Variants in MAP4K3 observed in about 807,000 individuals in gnomAD.
MAP4K3 encodes the protein mitogen-activated protein kinase kinase kinase kinase 3, also known as MAPK/ERK kinase kinase kinase 3.
MAP4K3 carries 94 observed loss-of-function variants against 143.5 expected under a neutral mutation model. The ratio of observed to expected loss-of-function variants is 0.65; its 90% CI spans 0.55 to 0.78. The LOEUF is 0.78. Among genes scored for constraint, MAP4K3 ranks in the 30% least tolerant of loss-of-function variants. MAP4K3 has a pLI of 0.00. For missense variants in MAP4K3, 1,077 were observed against 1,068.1 expected (o/e 1.01, Z -0.12); for synonymous variants, 416 against 347.2 (o/e 1.20, Z -2.20).
At chr2:39,308,113 T>C (rs563165774) in intron 14 of MAP4K3, 108 bp from the exon 15 acceptor site, 8 of 671,606 alleles carry the variant, frequency 1.2e-5, no homozygotes, top group East Asian at 2.9e-5. Flanking sequence ...AATATAATTT[T>C]ATTAAGGCAA....
At chr2:39,302,568 A>G (rs536634630) in intron 15 of MAP4K3, among the ~76,000 whole-genome samples, 10 of 152,364 alleles carry the variant, frequency 6.6e-5, no homozygotes, top group Non-Finnish European at 1.3e-4. Flanking sequence ...CTTTTCAAAA[A>G]GGATTTGGAA....
At chr2:39,354,018 C>A (rs186148987) in intron 3 of MAP4K3, among the ~76,000 whole-genome samples, 4 of 152,202 alleles carry the variant, frequency 2.6e-5, no homozygotes, top group East Asian at 3.9e-4. Flanking sequence ...ACCAAAGATA[C>A]GATTTGTCTC....
chr2:39,384,031 T>C (rs950061145), intron 1 of MAP4K3, among the ~76,000 whole-genome samples: 2 of 151,778 alleles, frequency 1.3e-5, no homozygotes, highest in East Asian at 1.9e-4. Context: ...GGAGGATCAA[T>C]TGAGCCCAAG....
At position 39,300,912 on chromosome 2, in the gene MAP4K3, G is replaced by A. The variant is rs146162916; in HGVS notation, c.1120-1111C>T. 1.1e-4 allele frequency among the ~76,000 whole-genome samples: 16 copies of A among 152,248 alleles called. No homozygotes were observed. The East Asian group carries it at 1.7e-3, about 17-fold the overall frequency. ...TCTATCTTCTTTCCTTACAGCCTAC[G>A]GTCTAGCATTGTTCCTGGCACAAAC... On this transcript the variant is annotated intron_variant, in intron 15 of 33. Coordinates refer to ENST00000263881, the MANE Select transcript of MAP4K3 (RefSeq NM_003618.4).
intron 3 of MAP4K3, among the ~76,000 whole-genome samples, chr2:39,351,207 A>C (rs969079142): frequency 1.3e-5 from 2 of 152,196 alleles, no homozygotes; most frequent in Admixed American, 6.5e-5. Context: ...TCAGGCTCTA[A>C]TGTGAGACCA....
intron 1 of MAP4K3, among the ~76,000 whole-genome samples, chr2:39,397,363 G>C (rs7591563): frequency 0.048 from 7,334 of 152,018 alleles, 293 homozygotes; most frequent in African/African-American, 0.11. Flanking sequence ...ACAAACAACA[G>C]CAAAAATAAA....
At chr2:39,366,082 T>C (rs866669050) in intron 2 of MAP4K3, among the ~76,000 whole-genome samples, 6 of 152,310 alleles carry the variant, frequency 3.9e-5, no homozygotes, top group Non-Finnish European at 8.8e-5. Flanking sequence ...TGAAGAGATT[T>C]ATTCTGAGCC....
intron 12 of MAP4K3, among the ~76,000 whole-genome samples, chr2:39,317,327 A>G (rs1310934927): frequency 6.6e-6 from 1 of 152,178 alleles, no homozygotes; most frequent in Non-Finnish European, 1.5e-5. Context: ...AAACCTAGGA[A>G]ATACCATTCC....
At position 39,408,686 on chromosome 2, in the gene MAP4K3, G is replaced by C. The variant is rs983038415; in HGVS notation, c.96+28206C>G. Among the ~76,000 whole-genome samples the C allele has an allele frequency of 2.0e-5, 3 of 150,432 alleles. No homozygotes were observed. The East Asian group carries it at 5.8e-4, about 29-fold the overall frequency. On this transcript the variant is annotated intron_variant, in intron 1 of 33. Transcript: ENST00000263881. ...GGGGGTTGGGTGGGTGAAGGGTTTC[G>C]AGATATGGATCTTAGAGAAATTTAA... is the stretch of plus-strand genomic sequence containing the variant.
Position 39,288,203 on chromosome 2 carries a change from C to G in MAP4K3, c.1392G>C (p.Met464Ile), listed in dbSNP as rs1440231379. ...ENQGTIKRCP[M>I]SGSPAKPSQV... ...GGGATGGCTTTGCTGGGCTCCCTGA[C>G]ATGGGACATCTCTTGATTGTTCCTT... The change falls in exon 20 of 34, where the codon ATG becomes ATC. Residue 464 changes from methionine (M) to isoleucine (I), a missense_variant. This residue lies in a region of MAP4K3 where 864 missense variants were observed against 801.2 expected (regional missense o/e 1.08). Transcript: ENST00000263881. 6.2e-7 allele frequency: 1 copy of G among 1,614,068 alleles called. No individual in the cohort carries two copies. The highest frequency in any genetic ancestry group is 1.1e-5 in the South Asian group (1 of 91,076).
At chr2:39,376,059 C>T (rs956077925) in intron 2 of MAP4K3, among the ~76,000 whole-genome samples, 1 of 152,106 alleles carries the variant, frequency 6.6e-6, no homozygotes, top group African/African-American at 2.4e-5. Flanking sequence ...ATTGTGTCGG[C>T]AGATATGCAA....
intron 2 of MAP4K3, among the ~76,000 whole-genome samples, chr2:39,375,270 C>A (rs148113877): frequency 6.6e-6 from 1 of 152,042 alleles, no homozygotes; most frequent in Non-Finnish European, 1.5e-5. Context: ...CACACACACA[C>A]CCCTCTACCT....
intron 26 of MAP4K3, among the ~76,000 whole-genome samples, chr2:39,269,470 CTTTTTT>C (rs59479315): frequency 1.1e-5 from 1 of 89,676 alleles, no homozygotes; most frequent in African/African-American, 4.6e-5. Flanking sequence ...TTGCTCAGGT[CTTTTTT>C]TTTTTTTTTT....
intron 1 of MAP4K3, among the ~76,000 whole-genome samples, chr2:39,402,136 A>G (rs2148608464): frequency 6.6e-6 from 1 of 152,310 alleles, no homozygotes; most frequent in African/African-American, 2.4e-5. Flanking sequence ...ATATTAATAC[A>G]TGAAAACTAA....
chr2:39,406,189 A>C (rs907648403), intron 1 of MAP4K3, among the ~76,000 whole-genome samples: 2 of 151,810 alleles, frequency 1.3e-5, no homozygotes, highest in Non-Finnish European at 2.9e-5. Flanking sequence ...TTGAAAACAG[A>C]GGAGACAAAA....
intron 8 of MAP4K3, among the ~76,000 whole-genome samples, chr2:39,331,171 G>A (rs1683670754): frequency 6.6e-6 from 1 of 152,114 alleles, no homozygotes; most frequent in Non-Finnish European, 1.5e-5. Context: ...CATCAGGGGA[G>A]TGGTTGCACA....
At chr2:39,336,124 C>T (rs1368928184) in intron 6 of MAP4K3, among the ~76,000 whole-genome samples, 1 of 152,096 alleles carries the variant, frequency 6.6e-6, no homozygotes, top group African/African-American at 2.4e-5. Context: ...TACCACTGGG[C>T]TAACCCCAGC....
At chr2:39,419,504 A>T (rs1190439352) in intron 1 of MAP4K3, among the ~76,000 whole-genome samples, 1 of 152,184 alleles carries the variant, frequency 6.6e-6, no homozygotes, top group African/African-American at 2.4e-5. Context: ...CACAAACAAT[A>T]CAGACCTACT....
chr2:39,294,143 A>T (rs1682173775), intron 16 of MAP4K3: 1 of 152,166 alleles, frequency 6.6e-6, no homozygotes, highest in Non-Finnish European at 1.5e-5. Flanking sequence ...GAGAGTCAGC[A>T]AAAGTTTTAC....
Sources: gnomAD v4.1 joint callset for allele counts (sites outside exome capture counted in the v4.1 genomes callset) on GRCh38, gnomAD v4.1.1 for gene constraint, gnomAD v4.1.1 regional missense constraint, MANE v1.5 for transcripts, NCBI Gene and HGNC (gene_info 2026-07-23, HGNC 2026-07-21) for gene names.